PDE3A: variants seen among roughly 807,000 people sequenced by gnomAD.
PDE3A encodes the protein cGMP-inhibited 3',5'-cyclic phosphodiesterase 3A.
In PDE3A, 43 loss-of-function variants were observed where a neutral mutation model predicts 98.3. The ratio of observed to expected loss-of-function variants is 0.44; its 90% CI spans 0.34 to 0.56. PDE3A has a LOEUF of 0.56. Among genes scored for constraint, PDE3A ranks in the 20% least tolerant of loss-of-function variants. The pLI is 0.01. For missense variants in PDE3A, 1,427 were observed against 1,440.7 expected, an observed-to-expected ratio of 0.99 and a Z score of 0.15; for synonymous variants, 663 against 567.9, an observed-to-expected ratio of 1.17 and a Z score of -2.38.
rs1266687806 is a variant in PDE3A at position 20,369,479 on chromosome 12, G to A, written c.195G>A (p.Leu65=). The change falls in exon 1 of 16, where the codon CTG becomes CTA. Residue 65 remains leucine, a synonymous_variant. Transcript: ENST00000359062. ...LRSSRKLSSA[L]CAGSLSFLLA... ...GCTCTCGGAAACTTTCCTCCGCGCT[G>A]TGCGCGGGCTCCCTGTCCTTTCTGC... 1.3e-5 allele frequency: 21 copies of A among 1,556,562 alleles called. No homozygotes were observed. Among genetic ancestry groups the A allele is most frequent in the Non-Finnish European group, 1.8e-5 (21 of 1,150,872 alleles).
intron 15 of PDE3A, among the ~76,000 whole-genome samples, chr12:20,672,096 A>G (rs1945497953): frequency 6.6e-6 from 1 of 151,670 alleles, no homozygotes; most frequent in African/African-American, 2.4e-5. Flanking sequence ...TCCCATTCAC[A>G]ATTGCTTCAA....
At chr12:20,556,908 G>T in intron 2 of PDE3A, 198 bp downstream of exon 2, 1 of 620,078 alleles carries the variant, frequency 1.6e-6, no homozygotes, top group Non-Finnish European at 2.9e-6. Flanking sequence ...TTCCTTCTAA[G>T]AGCTTTCTGG....
At chr12:20,593,657 G>A (rs1943395694) in intron 2 of PDE3A, among the ~76,000 whole-genome samples, 1 of 152,080 alleles carries the variant, frequency 6.6e-6, no homozygotes, top group Non-Finnish European at 1.5e-5. Context: ...AAGAGTCAAC[G>A]TGTCCAGTTT....
At chr12:20,490,435 G>A (rs1305883804) in intron 1 of PDE3A, among the ~76,000 whole-genome samples, 1 of 152,166 alleles carries the variant, frequency 6.6e-6, no homozygotes, top group East Asian at 1.9e-4. Flanking sequence ...GAGGAAACTT[G>A]TAATATTGGA....
At chr12:20,624,427 T>G (rs1944209652) in intron 5 of PDE3A, among the ~76,000 whole-genome samples, 1 of 152,074 alleles carries the variant, frequency 6.6e-6, no homozygotes, top group Non-Finnish European at 1.5e-5. Flanking sequence ...GATCCCCAGT[T>G]TGTATGACTT....
intron 2 of PDE3A, among the ~76,000 whole-genome samples, chr12:20,584,876 C>G (rs1313501180): frequency 6.6e-6 from 1 of 152,156 alleles, no homozygotes; most frequent in African/African-American, 2.4e-5. Flanking sequence ...GTTTTACTCT[C>G]TGTTCTCTTG....
intron 2 of PDE3A, chr12:20,571,934 G>A: frequency 4.7e-6 from 5 of 1,064,628 alleles, no homozygotes; most frequent in Non-Finnish European, 5.7e-6. Context: ...ATGAGAGTGG[G>A]GCATAAAATG....
At chr12:20,457,397 C>A (rs1173326513) in intron 1 of PDE3A, among the ~76,000 whole-genome samples, 1 of 151,328 alleles carries the variant, frequency 6.6e-6, no homozygotes, top group Non-Finnish European at 1.5e-5. Flanking sequence ...TGTAGTATTT[C>A]ACTTATGGAT....
intron 2 of PDE3A, among the ~76,000 whole-genome samples, chr12:20,563,228 T>G (rs1461887442): frequency 6.6e-6 from 1 of 152,244 alleles, no homozygotes; most frequent in Non-Finnish European, 1.5e-5. Context: ...AATGGCCTGA[T>G]GCAGTGACAG....
At chr12:20,609,168 C>A (rs948229279) in intron 2 of PDE3A, among the ~76,000 whole-genome samples, 1 of 151,858 alleles carries the variant, frequency 6.6e-6, no homozygotes, top group South Asian at 2.1e-4. Flanking sequence ...TGTAGAAAAC[C>A]ACAACAATTC....
chr12:20,567,959 A>C (rs1451263934), intron 2 of PDE3A, among the ~76,000 whole-genome samples: 4 of 152,062 alleles, frequency 2.6e-5, no homozygotes, highest in Non-Finnish European at 5.9e-5. Context: ...ATGATAAATA[A>C]TCATACCAAA....
At chr12:20,491,666 G>C (rs759491283) in intron 1 of PDE3A, among the ~76,000 whole-genome samples, 2 of 152,082 alleles carry the variant, frequency 1.3e-5, no homozygotes, top group African/African-American at 2.4e-5. Flanking sequence ...ATCATACTGG[G>C]TAACAAACCT....
chr12:20,416,426 A>G (rs1053672843), intron 1 of PDE3A, among the ~76,000 whole-genome samples: 4 of 152,120 alleles, frequency 2.6e-5, no homozygotes, highest in East Asian at 1.9e-4. Flanking sequence ...ATGTGTGTGT[A>G]TGTGTGTGTG....
At chr12:20,395,272 TG>T (rs1268707782) in intron 1 of PDE3A, among the ~76,000 whole-genome samples, 1 of 151,946 alleles carries the variant, frequency 6.6e-6, no homozygotes, top group Non-Finnish European at 1.5e-5. Context: ...GCTTGCAGCC[TG>T]GAAAGTATTA....
At chr12:20,512,135 A>G (rs1946237524) in intron 1 of PDE3A, among the ~76,000 whole-genome samples, 1 of 152,086 alleles carries the variant, frequency 6.6e-6, no homozygotes, top group South Asian at 2.1e-4. Context: ...AAGACAATAG[A>G]TAAAAACTAT....
At chr12:20,449,576 G>A (rs192162655) in intron 1 of PDE3A, 15 of 306,554 alleles carry the variant, frequency 4.9e-5, no homozygotes, top group African/African-American at 3.2e-4. Context: ...TCCATGTGGG[G>A]TATCTGAATG....
chr12:20,407,495 G>A (rs948570012), intron 1 of PDE3A, among the ~76,000 whole-genome samples: 1 of 152,150 alleles, frequency 6.6e-6, no homozygotes, highest in Non-Finnish European at 1.5e-5. Flanking sequence ...TAGAAGTGTA[G>A]TAACTCTAAA....
chr12:20,445,017 C>T (rs1356507577), intron 1 of PDE3A, among the ~76,000 whole-genome samples: 1 of 152,216 alleles, frequency 6.6e-6, no homozygotes, highest in Non-Finnish European at 1.5e-5. Context: ...ACACCTCATA[C>T]TGTGGCCAGC....
intron 1 of PDE3A, among the ~76,000 whole-genome samples, chr12:20,480,786 T>C (rs1011763241): frequency 3.3e-5 from 5 of 152,192 alleles, no homozygotes; most frequent in Non-Finnish European, 5.9e-5. Flanking sequence ...TCCACTATCT[T>C]TTCACAAAGA....
Sources: allele counts gnomAD v4.1 joint callset (sites outside exome capture counted in the v4.1 genomes callset), GRCh38; gene constraint gnomAD v4.1.1; transcripts MANE v1.5; gene names NCBI Gene and HGNC (gene_info 2026-07-23, HGNC 2026-07-21).